Variants in HMBOX1 observed in about 807,000 individuals in gnomAD.
HMBOX1 encodes the protein homeobox-containing protein 1.
In HMBOX1, 14 loss-of-function variants were observed where a neutral mutation model predicts 54.5. The observed-to-expected ratio is 0.26, with a 90% CI of 0.17 to 0.40. The LOEUF is 0.40. Among genes scored for constraint, HMBOX1 ranks in the 10% least tolerant of loss-of-function variants. The pLI is 1.00. For missense variants in HMBOX1, 332 were observed against 514.4 expected (o/e 0.65, Z 3.43); for synonymous variants, 160 against 181.0 (o/e 0.88, Z 0.93).
chr8:28,971,141 G>T (rs2132358563), intron 3 of HMBOX1, among the ~76,000 whole-genome samples: 1 of 148,938 alleles, frequency 6.7e-6, no homozygotes, highest in South Asian at 2.1e-4. Flanking sequence ...GCCCAGGCTG[G>T]AGTGCAATGG....
intron 1 of HMBOX1, among the ~76,000 whole-genome samples, chr8:28,940,070 G>A (rs1179700509): frequency 1.3e-5 from 2 of 151,850 alleles, no homozygotes; most frequent in East Asian, 1.9e-4. Context: ...GTGCAATGGT[G>A]CTATCTCGGC....
chr8:28,946,921 G>T (rs1042695862), intron 1 of HMBOX1, among the ~76,000 whole-genome samples: 3 of 152,190 alleles, frequency 2.0e-5, no homozygotes, highest in Non-Finnish European at 4.4e-5. Context: ...GAGCTTGTCA[G>T]TAGGTATCTG....
intron 1 of HMBOX1, chr8:28,924,695 C>T (rs1585830382): frequency 6.6e-6 from 1 of 152,238 alleles, no homozygotes; most frequent in African/African-American, 2.4e-5. Flanking sequence ...TCACCACAAC[C>T]TCCGCCTCCT....
intron 3 of HMBOX1, among the ~76,000 whole-genome samples, chr8:28,977,590 C>T (rs929962819): frequency 3.9e-5 from 6 of 152,086 alleles, no homozygotes; most frequent in African/African-American, 1.2e-4. Context: ...TTTATTTGTA[C>T]CTTTTTCTTT....
chr8:28,903,106 T>TACAC (rs151039437), intron 1 of HMBOX1, among the ~76,000 whole-genome samples: 26 of 151,430 alleles, frequency 1.7e-4, no homozygotes, highest in East Asian at 7.7e-4. Flanking sequence ...AGCTTTCTTT[T>TACAC]ACACACACAC....
intron 4 of HMBOX1, among the ~76,000 whole-genome samples, chr8:28,993,747 C>T (rs1361445450): frequency 1.3e-5 from 2 of 152,080 alleles, no homozygotes; most frequent in East Asian, 3.8e-4. Flanking sequence ...CAGGGGTTAC[C>T]AGTTTGTTCA....
In HMBOX1 at chr8:29,051,909, A is replaced by AC. The variant is rs1262860635; in HGVS notation, c.*754_*755insC. The AC allele has an allele frequency of 2.4e-5, 6 of 250,624 alleles. No homozygotes were observed. In the East Asian group the frequency reaches 4.2e-4, roughly 18 times the overall value. 15.5% of individuals were successfully genotyped at this position (250,624 alleles called of 1,614,324 possible). A position where few individuals can be genotyped will look rare whatever the true frequency, so the allele number is the denominator to read the frequency against. On this transcript the variant is annotated 3_prime_UTR_variant, in exon 10 of 10. Transcript: ENST00000287701. ...AAACCAAAAGTCATTAAAAAAAAAA[A>AC]AAAAAAAAACCCAGCTTGAGAGCAT...
intron 2 of HMBOX1, among the ~76,000 whole-genome samples, chr8:28,966,986 A>G (rs949810583): frequency 2.6e-5 from 4 of 152,216 alleles, no homozygotes; most frequent in Non-Finnish European, 4.4e-5. Context: ...GGAACAAGGG[A>G]TGTGAGTGCT....
intron 1 of HMBOX1, among the ~76,000 whole-genome samples, chr8:28,906,629 C>T (rs560649830): frequency 1.3e-5 from 2 of 151,866 alleles, no homozygotes; most frequent in African/African-American, 4.8e-5. Context: ...TCACTCTGTC[C>T]CTCAGGCTGG....
chr8:28,976,709 C>CTT (rs749880362), intron 3 of HMBOX1, among the ~76,000 whole-genome samples: 11 of 135,816 alleles, frequency 8.1e-5, no homozygotes, highest in East Asian at 2.1e-4. Context: ...TCTTTTTTTT[C>CTT]TTTTTTTTTT....
chr8:28,956,304 A>G (rs549793228), intron 1 of HMBOX1, among the ~76,000 whole-genome samples: 7 of 151,720 alleles, frequency 4.6e-5, no homozygotes, highest in Admixed American at 6.6e-5. Context: ...TGTTTTTTCC[A>G]GTTTAACTGC....
At chr8:28,907,726 C>A (rs1814605987) in intron 1 of HMBOX1, among the ~76,000 whole-genome samples, 1 of 152,154 alleles carries the variant, frequency 6.6e-6, no homozygotes, top group Admixed American at 6.5e-5. Flanking sequence ...AAGCACCTCT[C>A]CTAGAGATCT....
intron 2 of HMBOX1, 59 bp from the exon 3 acceptor site, chr8:28,969,984 A>G (rs1490512614): frequency 1.9e-6 from 2 of 1,026,430 alleles, no homozygotes; most frequent in African/African-American, 1.6e-5. Flanking sequence ...ATTCTGTATA[A>G]TATGTGCTTT....
Position 29,051,731 on chromosome 8 carries a change from C to T in HMBOX1, c.*576C>T. The T allele has an allele frequency of 1.5e-6, 1 of 656,200 alleles. No individual in the cohort carries two copies. The highest frequency in any genetic ancestry group is 2.8e-6 in the Non-Finnish European group (1 of 354,968). 40.6% of individuals were successfully genotyped at this position (656,200 alleles called of 1,614,324 possible). ...TGGCTAGATTATACTTCTTTGGGTGCTGTGCTAAGAATGTCAATGGAAAAA... is the reference window on the plus strand; with the variant it reads ...TGGCTAGATTATACTTCTTTGGGTGTTGTGCTAAGAATGTCAATGGAAAAA... On this transcript the variant is annotated 3_prime_UTR_variant, in exon 10 of 10. Coordinates refer to ENST00000287701, the MANE Select transcript of HMBOX1 (RefSeq NM_001135726.3).
At chr8:29,009,522 T>TA (rs1833932966) in intron 5 of HMBOX1, 2 of 685,846 alleles carry the variant, frequency 2.9e-6, no homozygotes, top group Non-Finnish European at 3.4e-6. Context: ...ATTCCGTATC[T>TA]CTTTTTTTTT....
chr8:28,952,389 G>A (rs1487436705), intron 1 of HMBOX1, among the ~76,000 whole-genome samples: 2 of 151,756 alleles, frequency 1.3e-5, no homozygotes, highest in African/African-American at 4.8e-5. Context: ...CCCCACCACC[G>A]CTTCCGGCTA....
chr8:29,011,205 T>G (rs1834178772), intron 5 of HMBOX1, among the ~76,000 whole-genome samples: 1 of 152,224 alleles, frequency 6.6e-6, no homozygotes, highest in African/African-American at 2.4e-5. Context: ...CTATTGTATG[T>G]TTGAAAATTT....
At chr8:29,009,551 CTT>C (rs1833952870) in intron 5 of HMBOX1, 1 of 394,078 alleles carries the variant, frequency 2.5e-6, no homozygotes. Context: ...TTTTGCAAAT[CTT>C]GTTTGAATTA....
intron 5 of HMBOX1, among the ~76,000 whole-genome samples, chr8:29,012,370 G>A (rs1423792900): frequency 6.6e-6 from 1 of 152,188 alleles, no homozygotes; most frequent in East Asian, 1.9e-4. Context: ...TCCCTCAGTT[G>A]AGAACTGGTT....
Sources: allele counts gnomAD v4.1 joint callset (sites outside exome capture counted in the v4.1 genomes callset), GRCh38; gene constraint gnomAD v4.1.1; transcripts MANE v1.5; gene names NCBI Gene and HGNC (gene_info 2026-07-23, HGNC 2026-07-21).